The following CHORDC1 variants were observed in gnomAD, a reference collection of about 807,000 sequenced individuals.
The protein encoded by CHORDC1 is cysteine and histidine-rich domain-containing protein 1.
CHORDC1 carries 25 observed loss-of-function variants against 48.3 expected under a neutral mutation model. The observed-to-expected ratio is 0.52, with a 90% CI of 0.38 to 0.72. CHORDC1 has a LOEUF of 0.72. CHORDC1 is among the 30% of genes least tolerant of loss of function. CHORDC1 has a pLI of 0.00. For missense variants in CHORDC1, 317 were observed against 388.7 expected, an observed-to-expected ratio of 0.82 and a Z score of 1.55; for synonymous variants, 128 against 126.4, an observed-to-expected ratio of 1.01 and a Z score of -0.09.
In CHORDC1 at chr11:90,205,517, T is replaced by C; in HGVS notation, c.612A>G (p.Thr204=). ...CCRRKTSDFN[T]FLAQEGCTKG... ...TTGTACAGCCCTCTTGGGCTAAGAA[T>C]GTATTAAAATCAGAAGTTTTTCTTC... is the stretch of plus-strand genomic sequence containing the variant. The change falls in exon 8 of 11, where the codon ACA becomes ACG. Residue 204 remains threonine (T), a synonymous_variant. Transcript: ENST00000320585. 1 of 1,603,698 alleles carries C rather than the reference T, an allele frequency of 6.2e-7. No homozygotes were observed. Among genetic ancestry groups the C allele is most frequent in the South Asian group, 1.1e-5 (1 of 88,052 alleles).
rs1186947929 is a variant in CHORDC1 at position 90,205,559 on chromosome 11, T to C, written c.570A>G (p.Lys190=). ...TTTTTCTTCTACAACAGCTCCAGTA[T>C]TTCATCCTTTAAATTATCACAGAAA... ...SGVPIFHEGM[K]YWSCCRRKTS... Residue 190 remains lysine, a synonymous_variant, in exon 8 of 11, where the codon AAA becomes AAG. Coordinates refer to ENST00000320585, the MANE Select transcript of CHORDC1 (RefSeq NM_012124.3). 6.4e-7 allele frequency: 1 copy of C among 1,563,948 alleles called. No individual in the cohort carries two copies. The highest frequency in any genetic ancestry group is 8.7e-7 in the Non-Finnish European group (1 of 1,151,380).
chr11:90,205,655 A>C, intron 7 of CHORDC1, 90 bp from the exon 8 acceptor site: 1 of 787,856 alleles, frequency 1.3e-6, no homozygotes, highest in Non-Finnish European at 2.1e-6. Flanking sequence ...ATTTTTAATA[A>C]GCCAGTAAGT....
intron 6 of CHORDC1, chr11:90,207,108 C>T (rs532700007): frequency 6.2e-5 from 13 of 209,312 alleles, no homozygotes; most frequent in South Asian, 2.1e-4. Flanking sequence ...AAAATCCATT[C>T]GTTCCTCTTC....
chr11:90,209,550 A>C (rs1350599464), intron 6 of CHORDC1: 1 of 152,230 alleles, frequency 6.6e-6, no homozygotes, highest in East Asian at 1.9e-4. Flanking sequence ...CATGGGGGTT[A>C]GATGGTATAG....
At chr11:90,213,626 G>A in intron 4 of CHORDC1, 1 of 459,118 alleles carries the variant, frequency 2.2e-6, no homozygotes, top group Non-Finnish European at 3.9e-6. Flanking sequence ...GCATCTGAAA[G>A]TAAAGATGGA....
chr11:90,210,474 C>A, intron 6 of CHORDC1, 62 bp downstream of exon 6: 1 of 1,030,024 alleles, frequency 9.7e-7, no homozygotes, highest in Non-Finnish European at 1.5e-6. Flanking sequence ...AGTCAGCAAA[C>A]TGCACTTTCC....
At position 90,202,322 on chromosome 11, in the gene CHORDC1, CAA is replaced by C; in HGVS notation, c.*81_*82del. On this transcript the variant is annotated 3_prime_UTR_variant, in exon 11 of 11. Transcript: ENST00000320585. ...CACATTCAGTAACACAACAACAAAA[CAA>C]AAGATTACAGCAGCAAGCCACCACT... is the stretch of plus-strand genomic sequence containing the variant. 2.2e-6 allele frequency: 3 copies of C among 1,337,182 alleles called. No individual in the cohort carries two copies. Among genetic ancestry groups the C allele is most frequent in the Middle Eastern group, 2.7e-4 (1 of 3,718 alleles). 82.8% of individuals were successfully genotyped at this position (1,337,182 alleles called of 1,614,324 possible). A position where few individuals can be genotyped will look rare whatever the true frequency, so the allele number is the denominator to read the frequency against.
chr11:90,217,314 G>A (rs912580555), intron 2 of CHORDC1, among the ~76,000 whole-genome samples: 1 of 152,078 alleles, frequency 6.6e-6, no homozygotes, highest in Non-Finnish European at 1.5e-5. Context: ...CTAAAACCAT[G>A]GCAGCCCTAC....
Position 90,201,617 on chromosome 11 carries a change from G to A in CHORDC1, c.*788C>T, listed in dbSNP as rs1327366951. The A allele has an allele frequency of 6.6e-6, 1 of 152,268 alleles. No homozygotes were observed. The highest frequency in any genetic ancestry group is 2.4e-5 in the African/African-American group (1 of 41,380). The allele number at this position is 152,268 out of a possible 1,614,324, so 9.4% of individuals were successfully genotyped here. On this transcript the variant is annotated 3_prime_UTR_variant, in exon 11 of 11. Transcript: ENST00000320585. ...AATTTCTTTTTATATTTAACTAAAGGTTTTAAGAGGGCTTAGTCTCTAAAT... is the reference window on the plus strand; with the variant it reads ...AATTTCTTTTTATATTTAACTAAAGATTTTAAGAGGGCTTAGTCTCTAAAT...
At chr11:90,206,331 C>T (rs1857685931) in intron 6 of CHORDC1, 59 bp from the exon 7 acceptor site, 3 of 943,016 alleles carry the variant, frequency 3.2e-6, no homozygotes, top group Non-Finnish European at 5.2e-6. Context: ...ACATCTCATA[C>T]ATATTTGCAG....
rs1215871878 is a variant in CHORDC1 at position 90,201,112 on chromosome 11, A to T, written c.*1293T>A. On this transcript the variant is annotated 3_prime_UTR_variant, in exon 11 of 11. Transcript: ENST00000320585. ...TTTGCTAATGGTAGTAGAATGATAC[A>T]TATGTTTTATTCACGAAAATAGTAC... The T allele has an allele frequency of 3.9e-5, 6 of 152,018 alleles. No individual in the cohort carries two copies. The highest frequency in any genetic ancestry group is 2.6e-4 in the Admixed American group (4 of 15,260). 9.4% of individuals were successfully genotyped at this position (152,018 alleles called of 1,614,324 possible). A position where few individuals can be genotyped will look rare whatever the true frequency, so the allele number is the denominator to read the frequency against.
intron 6 of CHORDC1, chr11:90,206,810 T>C (rs1219922538): frequency 7.8e-7 from 1 of 1,281,516 alleles, no homozygotes; most frequent in Admixed American, 2.3e-5. Context: ...AGATGGAGGC[T>C]CTACAGATGA....
At chr11:90,218,009 C>A in intron 2 of CHORDC1, 126 bp downstream of exon 2, 1 of 576,830 alleles carries the variant, frequency 1.7e-6, no homozygotes, top group Non-Finnish European at 2.9e-6. Flanking sequence ...CTTAAAGCAC[C>A]TCCCCCGCAA....
chr11:90,215,752 A>G (rs1460425057), intron 2 of CHORDC1, among the ~76,000 whole-genome samples: 1 of 152,064 alleles, frequency 6.6e-6, no homozygotes, highest in African/African-American at 2.4e-5. Flanking sequence ...AGAAGCATAA[A>G]GACAGAGAAA....
At chr11:90,220,984 G>A (rs1858156856) in intron 1 of CHORDC1, among the ~76,000 whole-genome samples, 1 of 151,936 alleles carries the variant, frequency 6.6e-6, no homozygotes, top group African/African-American at 2.4e-5. Context: ...TCAGTTACAA[G>A]TTAAAACGTT....
rs1857554490 is a variant in CHORDC1 at position 90,202,022 on chromosome 11, T to C, written c.*383A>G. The C allele has an allele frequency of 6.4e-6, 1 of 156,354 alleles. No individual in the cohort carries two copies. Among genetic ancestry groups the C allele is most frequent in the South Asian group, 2.0e-4 (1 of 4,900 alleles). The allele number at this position is 156,354 out of a possible 1,614,324, so 9.7% of individuals were successfully genotyped here. ...AATCCATGAAAAAACTGATTAAAAT[T>C]TGACATTTCATCTTGCTTTACTAAT... On this transcript the variant is annotated 3_prime_UTR_variant, in exon 11 of 11. Coordinates refer to ENST00000320585, the MANE Select transcript of CHORDC1 (RefSeq NM_012124.3).
At chr11:90,215,927 G>A (rs1858000492) in intron 2 of CHORDC1, among the ~76,000 whole-genome samples, 2 of 152,068 alleles carry the variant, frequency 1.3e-5, no homozygotes. Context: ...TTCAGATTAA[G>A]ATGCAACTTT....
intron 6 of CHORDC1, chr11:90,209,543 G>C (rs1857802585): frequency 6.6e-6 from 1 of 152,182 alleles, no homozygotes; most frequent in Non-Finnish European, 1.5e-5. Context: ...TACTCAGCAT[G>C]GGGGTTAGAT....
intron 4 of CHORDC1, chr11:90,211,594 A>G (rs1857862071): frequency 7.2e-6 from 2 of 279,146 alleles, no homozygotes; most frequent in Non-Finnish European, 1.3e-5. Context: ...CGAGAAAGGA[A>G]TAAAGACTAG....
Sources: allele counts gnomAD v4.1 joint callset (sites outside exome capture counted in the v4.1 genomes callset), GRCh38; gene constraint gnomAD v4.1.1; transcripts MANE v1.5; gene names NCBI Gene and HGNC (gene_info 2026-07-23, HGNC 2026-07-21).